TBCD: variants seen among roughly 807,000 people sequenced by gnomAD.
TBCD encodes the protein tubulin-specific chaperone D.
In TBCD, 105 loss-of-function variants were observed where a neutral mutation model predicts 169.3. The ratio of observed to expected loss-of-function variants is 0.62; its 90% CI spans 0.53 to 0.73. The LOEUF is 0.73. Among genes scored for constraint, TBCD ranks in the 30% least tolerant of loss-of-function variants. TBCD has a pLI of 0.00. For synonymous variants in TBCD, 700 were observed against 643.9 expected (o/e 1.09, Z -1.32); for missense variants, 1,444 against 1,600.1 (o/e 0.90, Z 1.66).
At chr17:82,839,139 G>A (rs1323127467) in intron 13 of TBCD, among the ~76,000 whole-genome samples, 1 of 152,182 alleles carries the variant, frequency 6.6e-6, no homozygotes, top group Non-Finnish European at 1.5e-5. Flanking sequence ...GTAAGCTTAT[G>A]TACTTATTTT....
At chr17:82,825,041 G>A (rs79226408) in intron 13 of TBCD, among the ~76,000 whole-genome samples, 41 of 152,204 alleles carry the variant, frequency 2.7e-4, no homozygotes, top group South Asian at 6.2e-4. Context: ...TATTGCAGAT[G>A]ACCTTTGGAG....
intron 34 of TBCD, among the ~76,000 whole-genome samples, chr17:82,933,099 G>A (rs1016585462): frequency 2.0e-5 from 3 of 152,112 alleles, no homozygotes; most frequent in South Asian, 2.1e-4. Flanking sequence ...AGACTCGCAG[G>A]GGAGAGGGCA....
In TBCD at chr17:82,830,589, T is replaced by C. The variant is rs12938126; in HGVS notation, c.1318+15655T>C. ...TCTGTGGAACAGCAGCAGCAGGTTC[T>C]GCAGCTCGTGGTCGACCGGGGAAGG... On this transcript the variant is annotated intron_variant, in intron 13 of 38. Transcript: ENST00000355528. 652,487 of 1,613,896 alleles carry C rather than the reference T, an allele frequency of 0.4. 132,702 individuals carry two copies. The highest frequency in any genetic ancestry group is 0.43 in the Admixed American group (25,713 of 60,010).
At chr17:82,933,314 T>TCC (rs2062367563) in intron 34 of TBCD, among the ~76,000 whole-genome samples, 1 of 149,464 alleles carries the variant, frequency 6.7e-6, no homozygotes, top group Non-Finnish European at 1.5e-5. Flanking sequence ...TAGCTCTGTT[T>TCC]CCCAGGCTGG....
In TBCD at chr17:82,794,257, G is replaced by T. The variant is rs192007000; in HGVS notation, c.772-3500G>T. 2.4e-3 allele frequency among the ~76,000 whole-genome samples: 367 copies of T among 152,308 alleles called. 4 individuals are homozygous for T. The highest frequency in any genetic ancestry group is 7.5e-3 in the African/African-American group (313 of 41,546). On this transcript the variant is annotated intron_variant, in intron 7 of 38. Transcript: ENST00000355528. ...ACTGGGCTTGGAGAACATGCCCCAG[G>T]GGGGGGAAGCTGGCTCGCACGTTGC...
At chr17:82,855,235 CTTTTTTTTTTTTTTTTTTTTTTT>C (rs58346723) in intron 13 of TBCD, among the ~76,000 whole-genome samples, 1,968 of 54,080 alleles carry the variant, frequency 0.036, 89 homozygotes, top group African/African-American at 0.11. Context: ...AAGGTGTTTG[CTTTTTTTTTTTTTTTTTTTTTTT>C]TTTTTTTTTT....
At chr17:82,847,872 C>T (rs1006473124) in intron 13 of TBCD, among the ~76,000 whole-genome samples, 1 of 152,178 alleles carries the variant, frequency 6.6e-6, no homozygotes, top group Non-Finnish European at 1.5e-5. Context: ...CCACCCTCCT[C>T]GGCCTCCCAA....
intron 13 of TBCD, chr17:82,830,126 A>G: frequency 6.2e-7 from 1 of 1,613,086 alleles, no homozygotes; most frequent in Non-Finnish European, 8.5e-7. Context: ...CTGTGAACAC[A>G]CGTGTGAACC....
Position 82,927,191 on chromosome 17 carries a change from G to T in TBCD, c.2477G>T (p.Cys826Phe), listed in dbSNP as rs1484337437. ...RDGLKAIARI[C>F]QTVGVKAGAP... ...TCACACATTTTAAATTTCAGGATTT[G>T]CCAGACTGTTGGTGTGAAAGCAGGA... The change falls in exon 29 of 39, where the codon TGC becomes TTC. Residue 826 changes from cysteine (C) to phenylalanine (F), a missense_variant. Coordinates refer to ENST00000355528, the MANE Select transcript of TBCD (RefSeq NM_005993.5). 15 of 1,613,820 alleles carry T rather than the reference G, an allele frequency of 9.3e-6. No homozygotes were observed. Among genetic ancestry groups the T allele is most frequent in the Non-Finnish European group, 1.3e-5 (15 of 1,179,840 alleles).
At chr17:82,766,926 G>A (rs1245086910) in intron 4 of TBCD, among the ~76,000 whole-genome samples, 2 of 152,246 alleles carry the variant, frequency 1.3e-5, no homozygotes, top group African/African-American at 2.4e-5. Flanking sequence ...AGAGAAGCAC[G>A]TTTGAGACTT....
rs75790566 is a variant in TBCD, at chr17:82,871,760, C to T, written c.1475+1380C>T. Among the ~76,000 whole-genome samples the T allele has an allele frequency of 1.9e-4, 29 of 152,340 alleles. No individual in the cohort carries two copies. In the East Asian group the frequency reaches 4.1e-3, roughly 21 times the overall value. On this transcript the variant is annotated intron_variant, in intron 14 of 38. Coordinates refer to ENST00000355528, the MANE Select transcript of TBCD (RefSeq NM_005993.5). ...CCCGCGAGCACCAGCAGGGCCTCCC[C>T]GGCATGTGGCGGGGCCAGCGTTGGC...
chr17:82,899,357 G>GCAGTGCGTCCT (rs1555640307), intron 17 of TBCD, among the ~76,000 whole-genome samples: 2 of 84,450 alleles, frequency 2.4e-5, no homozygotes, highest in East Asian at 1.1e-3. Context: ...GTGCGTGTCC[G>GCAGTGCGTCCT]CAGTGCGTCC....
At chr17:82,826,794 G>T (rs2052888007) in intron 13 of TBCD, among the ~76,000 whole-genome samples, 1 of 146,942 alleles carries the variant, frequency 6.8e-6, no homozygotes, top group African/African-American at 2.5e-5. Context: ...TATTTTTTTT[G>T]AGAAAAGGTC....
intron 13 of TBCD, among the ~76,000 whole-genome samples, chr17:82,849,490 C>T (rs2055467168): frequency 6.6e-6 from 1 of 152,222 alleles, no homozygotes; most frequent in African/African-American, 2.4e-5. Context: ...CTGTGGTTTT[C>T]ATTTCCCCTT....
chr17:82,911,408 C>T (rs751142184), intron 22 of TBCD, among the ~76,000 whole-genome samples: 6 of 151,680 alleles, frequency 4.0e-5, no homozygotes, highest in Non-Finnish European at 8.8e-5. Context: ...CAGTGCACTG[C>T]TTCTCTAGGC....
At chr17:82,840,973 T>G (rs1413517182) in intron 13 of TBCD, among the ~76,000 whole-genome samples, 1 of 140,826 alleles carries the variant, frequency 7.1e-6, no homozygotes, top group Non-Finnish European at 1.5e-5. Flanking sequence ...TTTTTTTTTT[T>G]TTTTTTTTTT....
intron 2 of TBCD, among the ~76,000 whole-genome samples, chr17:82,757,979 T>G (rs2047492891): frequency 6.6e-6 from 1 of 152,236 alleles, no homozygotes. Context: ...GACCTGTAGT[T>G]AAATGCCTTT....
In TBCD at chr17:82,831,757, G is replaced by A. The variant is rs1385483956; in HGVS notation, c.1318+16823G>A. 3 of 1,614,074 alleles carry A rather than the reference G, an allele frequency of 1.9e-6. No individual in the cohort carries two copies. Among genetic ancestry groups the A allele is most frequent in the Admixed American group, 1.7e-5 (1 of 60,008 alleles). The stretch of plus-strand genomic sequence containing the variant: ...CTCTGGGATTGTGGGGTGCATGTAA[G>A]GGGAAATGGCCCCAAGCCCCTTTGT... On this transcript the variant is annotated intron_variant, in intron 13 of 38. Coordinates refer to ENST00000355528, the MANE Select transcript of TBCD (RefSeq NM_005993.5). This position sits in a 1 kb window ranked among gnomAD's most constrained non-coding sequence, Gnocchi z 4.6.
At chr17:82,770,328 G>A (rs556609318) in intron 5 of TBCD, among the ~76,000 whole-genome samples, 12 of 152,290 alleles carry the variant, frequency 7.9e-5, no homozygotes, top group South Asian at 4.1e-4. Context: ...GGCTGGGTGC[G>A]GTGGCTCACG....
Sources: allele counts gnomAD v4.1 joint callset (sites outside exome capture counted in the v4.1 genomes callset), GRCh38; gene constraint gnomAD v4.1.1; non-coding constraint Gnocchi (gnomAD v3.1); transcripts MANE v1.5; gene names NCBI Gene and HGNC (gene_info 2026-07-23, HGNC 2026-07-21).